TFB1M: variants seen among roughly 807,000 people sequenced by gnomAD.
The protein encoded by TFB1M is transcription factor B1, mitochondrial, also known as dimethyladenosine transferase 1, mitochondrial.
TFB1M carries 27 observed loss-of-function variants against 31.1 expected under a neutral mutation model. The observed-to-expected ratio is 0.87, with a 90% CI of 0.64 to 1.20. The LOEUF (loss-of-function observed/expected upper bound fraction) is 1.20. TFB1M is among the 50% of genes most tolerant of loss of function. The probability of loss-of-function intolerance (pLI) is 0.00; values close to 1 mark genes in which losing one functional copy is unlikely to be tolerated. For missense variants in TFB1M, 394 were observed against 418.7 expected (o/e 0.94, Z 0.51); for synonymous variants, 166 against 151.8 (o/e 1.09, Z -0.69).
intron 2 of TFB1M, among the ~76,000 whole-genome samples, chr6:155,309,518 C>G (rs1421491399): frequency 2.0e-5 from 3 of 152,132 alleles, no homozygotes; most frequent in African/African-American, 7.2e-5. Flanking sequence ...GGGTGGCAGT[C>G]GCTCTTTTCA....
downstream of TFB1M, chr6:155,253,069 A>G (rs759721946): frequency 3.7e-6 from 6 of 1,603,984 alleles, no homozygotes; most frequent in Admixed American, 3.3e-5. Flanking sequence ...TGTTTCGTGC[A>G]GTATGATGCC....
intron 5 of TFB1M, chr6:155,275,931 T>C: frequency 6.2e-7 from 1 of 1,614,178 alleles, no homozygotes; most frequent in Non-Finnish European, 8.5e-7. Context: ...CACTCCATTC[T>C]GTCCCTCCCC....
chr6:155,262,514 T>G (rs1784436663), intron 5 of TFB1M, among the ~76,000 whole-genome samples: 1 of 152,120 alleles, frequency 6.6e-6, no homozygotes, highest in African/African-American at 2.4e-5. Flanking sequence ...CCTGTAACCC[T>G]TCAACTCCAG....
At chr6:155,289,290 A>C (rs73008685) in intron 4 of TFB1M, among the ~76,000 whole-genome samples, 3,495 of 152,262 alleles carry the variant, frequency 0.023, 76 homozygotes, top group Non-Finnish European at 0.036. Flanking sequence ...AGAAAAGAAC[A>C]CAGGGCCAGC....
In TFB1M at chr6:155,257,593, TA is replaced by T; in HGVS notation, c.*242del. ...TTCATTTTTGTAAGATAGATTGTAA[TA>T]GATGCTGTTTATACTAAACATGTCA... On this transcript the variant is annotated 3_prime_UTR_variant, in exon 7 of 7. Transcript: ENST00000367166. 2.1e-6 allele frequency: 1 copy of T among 482,710 alleles called. No individual in the cohort carries two copies. 29.9% of individuals were successfully genotyped at this position (482,710 alleles called of 1,614,324 possible). A position where few individuals can be genotyped will look rare whatever the true frequency, so the allele number is the denominator to read the frequency against.
chr6:155,235,334 G>A, the TFB1M span, among the ~76,000 whole-genome samples: 1 of 152,188 alleles, frequency 6.6e-6, no homozygotes, highest in African/African-American at 2.4e-5. Context: ...ACTTAGAATC[G>A]AGACTTGCCC....
chr6:155,255,250 G>A (rs1783925743), downstream of TFB1M: 1 of 152,158 alleles, frequency 6.6e-6, no homozygotes, highest in Non-Finnish European at 1.5e-5. Context: ...TTAACAATGG[G>A]TTGATTGGGA....
chr6:155,244,600 C>A, the TFB1M span: 2 of 1,575,386 alleles, frequency 1.3e-6, no homozygotes, highest in Non-Finnish European at 8.6e-7. Context: ...TAAGAGTTAG[C>A]GTGGTGTCCT....
chr6:155,232,270 T>G, the TFB1M span, among the ~76,000 whole-genome samples: 1 of 118,298 alleles, frequency 8.5e-6, no homozygotes, highest in East Asian at 7.5e-4. Flanking sequence ...TTTTTAGTGT[T>G]TTTTTTTTCC....
intron 2 of TFB1M, among the ~76,000 whole-genome samples, chr6:155,307,136 T>TACAC (rs61677970): frequency 0.017 from 2,459 of 147,322 alleles, 41 homozygotes; most frequent in African/African-American, 0.049. Context: ...CTCAAACACA[T>TACAC]ACACACACAC....
intron 5 of TFB1M, chr6:155,276,431 T>C: frequency 6.7e-7 from 1 of 1,488,546 alleles, no homozygotes; most frequent in Non-Finnish European, 9.1e-7. Flanking sequence ...AATGGGACTT[T>C]TAGATTAAAA....
chr6:155,251,846 C>G (rs769756084), downstream of TFB1M: 4 of 908,074 alleles, frequency 4.4e-6, no homozygotes, highest in Admixed American at 2.6e-5. Flanking sequence ...GAGACTCATA[C>G]GTTTGGAGAG....
the TFB1M span, among the ~76,000 whole-genome samples, chr6:155,243,846 C>CAA: frequency 3.6e-3 from 198 of 55,056 alleles, 13 homozygotes; most frequent in African/African-American, 0.01. Context: ...GACTCCGTCT[C>CAA]AAAAAAAAAA....
chr6:155,309,258 A>G lies in TFB1M; in HGVS notation c.285+1930T>C, dbSNP rs184129216. On this transcript the variant is annotated intron_variant, in intron 2 of 6. Coordinates refer to ENST00000367166, the MANE Select transcript of TFB1M (RefSeq NM_016020.4). Reference sequence around the variant, plus strand: ...ATAGTGGTCAACTTTTTTGTTTCTCATGTGAGACATTTACTGAACACCTGC... The same window carrying G: ...ATAGTGGTCAACTTTTTTGTTTCTCGTGTGAGACATTTACTGAACACCTGC... Among the ~76,000 whole-genome samples the G allele has an allele frequency of 2.6e-5, 4 of 152,334 alleles. No homozygotes were observed. The East Asian group carries it at 7.7e-4, about 29-fold the overall frequency.
At chr6:155,253,925 C>T (rs1171273991), downstream of TFB1M, 28 of 1,476,690 alleles carry the variant, frequency 1.9e-5, no homozygotes, top group Non-Finnish European at 2.5e-5. Context: ...TTAACCACAG[C>T]ATTTTGGGCA....
chr6:155,279,779 C>A (rs114489365), intron 5 of TFB1M, among the ~76,000 whole-genome samples: 2,904 of 152,150 alleles, frequency 0.019, 71 homozygotes, highest in African/African-American at 0.049. Context: ...TGTTTTTTCC[C>A]TCCTTGGATT....
At chr6:155,260,671 T>C (rs41284232) in intron 5 of TFB1M, 6,358 of 494,016 alleles carry the variant, frequency 0.013, 95 homozygotes, top group Non-Finnish European at 0.014. Context: ...AAACACAGTT[T>C]CACAATGGCT....
Position 155,257,920 on chromosome 6 carries a change from T to C in TFB1M, c.957A>G (p.Ala319=), listed in dbSNP as rs1422169079. The C allele has an allele frequency of 5.6e-6, 9 of 1,614,096 alleles. No individual in the cohort carries two copies. The highest frequency in any genetic ancestry group is 7.6e-6 in the Non-Finnish European group (9 of 1,180,032). Residue 319 remains alanine, a synonymous_variant, in exon 7 of 7, where the codon GCA becomes GCG. Coordinates refer to ENST00000367166, the MANE Select transcript of TFB1M (RefSeq NM_016020.4). ...GCTTGAGTTCTTCTCTGAAATTATA[T>C]GCAAAGAGTTGTGGGTCTTCATCAC... ...KMCDEDPQLF[A]YNFREELKRR...
chr6:155,258,210 C>T lies in TFB1M; in HGVS notation c.795-128G>A, dbSNP rs1784205972. On this transcript the variant is annotated intron_variant, in intron 6 of 6. Transcript: ENST00000367166. ...GGCTACTGACAGCTGGAGAGAGTGG[C>T]AGGAGCCTCTTGGATTATATAGCAC... 32 of 1,162,610 alleles carry T rather than the reference C, an allele frequency of 2.8e-5. No homozygotes were observed. In the South Asian group the frequency reaches 3.9e-4, roughly 14 times the overall value. The allele number at this position is 1,162,610 out of a possible 1,614,324, so 72.0% of individuals were successfully genotyped here. A position where few individuals can be genotyped will look rare whatever the true frequency, so the allele number is the denominator to read the frequency against.
Sources: allele counts gnomAD v4.1 joint callset (sites outside exome capture counted in the v4.1 genomes callset), GRCh38; gene constraint gnomAD v4.1.1; transcripts MANE v1.5; gene names NCBI Gene and HGNC (gene_info 2026-07-23, HGNC 2026-07-21).